EXT1: variants seen among roughly 807,000 people sequenced by gnomAD.
The protein encoded by EXT1 is exostosin glycosyltransferase 1.
EXT1 carries 20 observed loss-of-function variants against 82.5 expected under a neutral mutation model. The observed-to-expected ratio is 0.24, with a 90% CI of 0.17 to 0.35. The LOEUF is 0.35. Ranked by LOEUF, EXT1 falls within the 10% of genes least tolerant of loss-of-function variation. The probability of loss-of-function intolerance (pLI) is 1.00; values close to 1 mark genes in which losing one functional copy is unlikely to be tolerated. For missense variants in EXT1, 757 were observed against 936.5 expected, an observed-to-expected ratio of 0.81 and a Z score of 2.50; for synonymous variants, 348 against 350.8, an observed-to-expected ratio of 0.99 and a Z score of 0.09.
chr8:117,971,706 C>G (rs1814943343), intron 1 of EXT1, among the ~76,000 whole-genome samples: 1 of 152,212 alleles, frequency 6.6e-6, no homozygotes, highest in Non-Finnish European at 1.5e-5. Context: ...AAAACCCACT[C>G]CATGAATTAA....
rs181431711 is a variant in EXT1 at position 117,915,842 on chromosome 8, C to T, written c.963-78641G>A. 4.4e-5 allele frequency among the ~76,000 whole-genome samples: 6 copies of T among 135,522 alleles called. No homozygotes were observed. In the East Asian group the frequency reaches 8.6e-4, roughly 19 times the overall value. 88.9% of individuals were successfully genotyped at this position (135,522 alleles called of 152,430 possible). A position where few individuals can be genotyped will look rare whatever the true frequency, so the allele number is the denominator to read the frequency against. On this transcript the variant is annotated intron_variant, in intron 1 of 10. Coordinates refer to ENST00000378204, the MANE Select transcript of EXT1 (RefSeq NM_000127.3). ...CTGCATTCCAGCGTGGGTGACAGAG[C>T]GAGACTCTGTCTCAAACAAAACAAA...
chr8:117,979,722 C>T (rs929823339), intron 1 of EXT1, among the ~76,000 whole-genome samples: 4 of 152,182 alleles, frequency 2.6e-5, no homozygotes, highest in African/African-American at 9.7e-5. Flanking sequence ...GGCCCCTAAT[C>T]TCTACCCTTG....
intron 1 of EXT1, among the ~76,000 whole-genome samples, chr8:118,020,366 A>T (rs1400343255): frequency 3.3e-5 from 5 of 152,294 alleles, no homozygotes; most frequent in Admixed American, 6.5e-5. Flanking sequence ...GTCTTTACAT[A>T]CCTTCACTTT....
chr8:117,821,446 A>T (rs988783903), intron 5 of EXT1, among the ~76,000 whole-genome samples: 1 of 152,238 alleles, frequency 6.6e-6, no homozygotes, highest in Non-Finnish European at 1.5e-5. Context: ...ATATTGTACA[A>T]GAAATATACA....
At chr8:118,014,251 T>G (rs949374068) in intron 1 of EXT1, among the ~76,000 whole-genome samples, 2 of 152,186 alleles carry the variant, frequency 1.3e-5, no homozygotes, top group Non-Finnish European at 2.9e-5. Flanking sequence ...AGAATAAGGA[T>G]ACTTCAGCCT....
At chr8:118,094,161 C>T (rs559308378) in intron 1 of EXT1, among the ~76,000 whole-genome samples, 1 of 152,314 alleles carries the variant, frequency 6.6e-6, no homozygotes, top group South Asian at 2.1e-4. Flanking sequence ...AGGAACAAGA[C>T]CTCTGTGACT....
chr8:117,834,419 A>G (rs1244289325), intron 3 of EXT1, among the ~76,000 whole-genome samples: 20 of 152,118 alleles, frequency 1.3e-4, no homozygotes, highest in Admixed American at 1.3e-3. Flanking sequence ...AGCATGACCA[A>G]CATGGTGAAA....
intron 4 of EXT1, 95 bp from the exon 5 acceptor site, chr8:117,822,692 AGAGTAGTGACT>A: frequency 4.9e-6 from 7 of 1,435,966 alleles, no homozygotes; most frequent in Non-Finnish European, 6.8e-6. Context: ...GGTGGCAGTC[AGAGTAGTGACT>A]CTACCCTCCC....
intron 1 of EXT1, among the ~76,000 whole-genome samples, chr8:117,873,746 G>A (rs558518643): frequency 2.6e-5 from 4 of 152,072 alleles, no homozygotes; most frequent in Non-Finnish European, 4.4e-5. Context: ...ATGAGCCACC[G>A]CGCCCAGTCT....
intron 1 of EXT1, among the ~76,000 whole-genome samples, chr8:117,999,405 A>G (rs902296297): frequency 6.6e-6 from 1 of 152,200 alleles, no homozygotes; most frequent in African/African-American, 2.4e-5. Flanking sequence ...ACTCAGCCAC[A>G]TACTATTTAT....
At chr8:117,804,642 C>T (rs1310214609) in intron 10 of EXT1, 80 bp downstream of exon 10, 36 of 1,500,604 alleles carry the variant, frequency 2.4e-5, no homozygotes, top group Non-Finnish European at 3.2e-5. Context: ...GGTGGAACAG[C>T]TAGAGGAACG....
chr8:117,807,869 A>G (rs1823262177), intron 8 of EXT1, among the ~76,000 whole-genome samples: 1 of 152,200 alleles, frequency 6.6e-6, no homozygotes, highest in South Asian at 2.1e-4. Flanking sequence ...ATAACTTTAA[A>G]AAAAAAACAC....
At chr8:117,973,932 A>G (rs1452922272) in intron 1 of EXT1, among the ~76,000 whole-genome samples, 2 of 100,262 alleles carry the variant, frequency 2.0e-5, no homozygotes, top group African/African-American at 9.0e-5. Context: ...GCAGAAAGCA[A>G]GGAAGGAAGG....
At chr8:117,975,773 C>T (rs1333972097) in intron 1 of EXT1, among the ~76,000 whole-genome samples, 1 of 152,198 alleles carries the variant, frequency 6.6e-6, no homozygotes, top group African/African-American at 2.4e-5. Flanking sequence ...TTCAGAAATG[C>T]TTGTTGCTCA....
intron 1 of EXT1, among the ~76,000 whole-genome samples, chr8:118,005,034 G>C (rs976080669): frequency 6.6e-6 from 1 of 152,108 alleles, no homozygotes; most frequent in Admixed American, 6.5e-5. Flanking sequence ...TTTTACATGG[G>C]GGTGAGGGAG....
At chr8:117,937,926 C>T (rs1425772215) in intron 1 of EXT1, among the ~76,000 whole-genome samples, 1 of 152,214 alleles carries the variant, frequency 6.6e-6, no homozygotes, top group Non-Finnish European at 1.5e-5. Flanking sequence ...TCACTCTAGT[C>T]ACAGATTGCC....
intron 4 of EXT1, 96 bp from the exon 5 acceptor site, chr8:117,822,693 G>T: frequency 7.3e-7 from 1 of 1,372,462 alleles, no homozygotes; most frequent in Non-Finnish European, 1.0e-6. Flanking sequence ...GTGGCAGTCA[G>T]AGTAGTGACT....
At chr8:117,831,974 C>G (rs1277632720) in intron 3 of EXT1, among the ~76,000 whole-genome samples, 1 of 152,014 alleles carries the variant, frequency 6.6e-6, no homozygotes, top group East Asian at 1.9e-4. Context: ...TAATCAGAGC[C>G]CAAGGTCAAA....
intron 1 of EXT1, among the ~76,000 whole-genome samples, chr8:117,951,402 A>C (rs559163780): frequency 1.3e-5 from 2 of 152,194 alleles, no homozygotes; most frequent in Non-Finnish European, 2.9e-5. Context: ...ATTTTCTCAA[A>C]AGACATTTCA....
Sources: gnomAD v4.1 joint callset for allele counts (sites outside exome capture counted in the v4.1 genomes callset) on GRCh38, gnomAD v4.1.1 for gene constraint, MANE v1.5 for transcripts, NCBI Gene and HGNC (gene_info 2026-07-23, HGNC 2026-07-21) for gene names.